Variants in MRPL42 observed in about 807,000 individuals in gnomAD.
MRPL42 encodes the protein mitochondrial ribosomal protein L42.
A neutral mutation model predicts 17.9 loss-of-function variants in MRPL42; 17 were observed. That is an observed-to-expected ratio of 0.95 (90% confidence interval 0.65 to 1.42). The LOEUF (loss-of-function observed/expected upper bound fraction) is 1.42. MRPL42 is among the 40% of genes most tolerant of loss of function. The pLI is 0.00. For synonymous variants in MRPL42, 59 were observed against 54.4 expected (o/e 1.08, Z -0.37); for missense variants, 177 against 175.2 (o/e 1.01, Z -0.06).
intron 3 of MRPL42, among the ~76,000 whole-genome samples, 198 bp downstream of exon 3, chr12:93,477,215 G>A (rs1330984399): frequency 6.6e-6 from 1 of 152,096 alleles, no homozygotes. Context: ...CATTGTCATT[G>A]TGTTTCATTG....
chr12:93,486,532 T>C (rs1880749132), intron 4 of MRPL42, among the ~76,000 whole-genome samples: 1 of 152,068 alleles, frequency 6.6e-6, no homozygotes, highest in African/African-American at 2.4e-5. Context: ...GAGATGGGGT[T>C]TCACCATGTT....
Position 93,506,716 on chromosome 12 carries a change from C to T in MRPL42, c.*5495C>T, listed in dbSNP as rs890180616. ...TCTTGCTATGACCATCCCTTCTTTC[C>T]CCTCTAGTCAAAATTAGTCTCTTCT... On this transcript the variant is annotated 3_prime_UTR_variant, in exon 6 of 6. Transcript: ENST00000549982. 3.9e-5 allele frequency: 6 copies of T among 152,104 alleles called. No homozygotes were observed. The highest frequency in any genetic ancestry group is 8.8e-5 in the Non-Finnish European group (6 of 68,028). 9.4% of individuals were successfully genotyped at this position (152,104 alleles called of 1,614,324 possible).
At position 93,511,597 on chromosome 12, in the gene MRPL42, C is replaced by G. The variant is rs1238849206; in HGVS notation, c.*10376C>G. On this transcript the variant is annotated 3_prime_UTR_variant, in exon 6 of 6. Transcript: ENST00000549982. ...AGAACAAAGAAAGCTAATAAATTAC[C>G]TTTTCTTGCAATTGGTTTGATGTAC... The G allele has an allele frequency of 6.6e-6, 1 of 152,060 alleles. No homozygotes were observed. Among genetic ancestry groups the G allele is most frequent in the Non-Finnish European group, 1.5e-5 (1 of 67,990 alleles). 9.4% of individuals were successfully genotyped at this position (152,060 alleles called of 1,614,324 possible).
chr12:93,495,339 T>C (rs756147828), intron 5 of MRPL42, among the ~76,000 whole-genome samples: 32 of 152,306 alleles, frequency 2.1e-4, no homozygotes, highest in Middle Eastern at 6.8e-3. Flanking sequence ...GACTAAAGAC[T>C]CAGCCTCCTA....
chr12:93,469,763 A>C (rs59630338), intron 2 of MRPL42, among the ~76,000 whole-genome samples: 1,634 of 152,320 alleles, frequency 0.011, 31 homozygotes, highest in African/African-American at 0.037. Flanking sequence ...AACCACATCT[A>C]TATATATCTA....
At chr12:93,484,015 C>T (rs10745654) in intron 4 of MRPL42, among the ~76,000 whole-genome samples, 101,470 of 151,892 alleles carry the variant, frequency 0.67, 34,162 homozygotes, top group Middle Eastern at 0.72. Flanking sequence ...TCTTCTACCT[C>T]CACATTTTGT....
At chr12:93,484,979 CATATATATATAT>C (rs4020795) in intron 4 of MRPL42, among the ~76,000 whole-genome samples, 2,123 of 22,430 alleles carry the variant, frequency 0.095, 227 homozygotes, top group East Asian at 0.3. Context: ...CACACACACA[CATATATATATAT>C]ATATATATAT....
rs1172182404 is a variant in MRPL42, at chr12:93,487,504, C to T, written c.227C>T (p.Pro76Leu). 1 of 1,609,886 alleles carries T rather than the reference C, an allele frequency of 6.2e-7. No individual in the cohort carries two copies. The highest frequency in any genetic ancestry group is 8.5e-7 in the Non-Finnish European group (1 of 1,178,812). Reference sequence around the variant, plus strand: ...TTACTGATTATTTTGTAGCCTATCCCTCGGCCAGATCCTGTGCATAATAAT... The same window carrying T: ...TTACTGATTATTTTGTAGCCTATCCTTCGGCCAGATCCTGTGCATAATAAT... Reference protein sequence around the residue: ...DIPYEHTKPIPRPDPVHNNEE... With the variant: ...DIPYEHTKPILRPDPVHNNEE... The change falls in exon 5 of 6, where the codon CCT becomes CTT. Residue 76 changes from proline to leucine, a missense_variant. Physicochemically the swap from Pro to Leu is moderately conservative, Grantham distance 98. Transcript: ENST00000549982.
At chr12:93,484,700 G>C (rs572142848) in intron 4 of MRPL42, among the ~76,000 whole-genome samples, 17 of 151,600 alleles carry the variant, frequency 1.1e-4, no homozygotes, top group African/African-American at 2.9e-4. Flanking sequence ...GGGTTCAAAC[G>C]ATTCTTCTGC....
rs1434571995 is a variant in MRPL42 at position 93,515,211 on chromosome 12, T to A, written c.*13990T>A. 6.6e-6 allele frequency: 1 copy of A among 152,124 alleles called. No individual in the cohort carries two copies. Among genetic ancestry groups the A allele is most frequent in the African/African-American group, 2.4e-5 (1 of 41,416 alleles). The allele number at this position is 152,124 out of a possible 1,614,324, so 9.4% of individuals were successfully genotyped here. On this transcript the variant is annotated 3_prime_UTR_variant, in exon 6 of 6. Transcript: ENST00000549982. Reference sequence around the variant, plus strand: ...TACAGGGAGACCATGGAGGATGGGCTGGAACGGAAGCACGATGGACTCCTG... The same window carrying A: ...TACAGGGAGACCATGGAGGATGGGCAGGAACGGAAGCACGATGGACTCCTG...
intron 4 of MRPL42, 27 bp from the exon 5 acceptor site, chr12:93,487,470 T>A (rs1953323680): frequency 6.3e-7 from 1 of 1,584,304 alleles, no homozygotes. Context: ...CACATCTTCA[T>A]GATGTTTGTT....
At chr12:93,500,143 A>C (rs1436657035) in intron 5 of MRPL42, among the ~76,000 whole-genome samples, 4 of 152,202 alleles carry the variant, frequency 2.6e-5, no homozygotes, top group Non-Finnish European at 5.9e-5. Flanking sequence ...TCTATACATA[A>C]GTTTTGTTAG....
At chr12:93,482,872 C>T (rs978648856) in intron 4 of MRPL42, among the ~76,000 whole-genome samples, 1 of 149,982 alleles carries the variant, frequency 6.7e-6, no homozygotes, top group African/African-American at 2.5e-5. Context: ...AAGCATGAGC[C>T]ACTGTACCTT....
chr12:93,489,438 G>GA, intron 5 of MRPL42, among the ~76,000 whole-genome samples: 1 of 152,118 alleles, frequency 6.6e-6, no homozygotes, highest in East Asian at 1.9e-4. Context: ...TTTTCCCAAG[G>GA]AAAAATATTG....
At chr12:93,490,502 T>C (rs1220541983) in intron 5 of MRPL42, among the ~76,000 whole-genome samples, 1 of 152,272 alleles carries the variant, frequency 6.6e-6, no homozygotes, top group Non-Finnish European at 1.5e-5. Flanking sequence ...ATCATCTTGC[T>C]GAATTTTAAA....
intron 3 of MRPL42, 43 bp from the exon 4 acceptor site, chr12:93,479,345 T>C: frequency 6.9e-7 from 1 of 1,440,014 alleles, no homozygotes; most frequent in Non-Finnish European, 9.5e-7. Context: ...CATTTTGCCT[T>C]GAATACAGTA....
intron 4 of MRPL42, among the ~76,000 whole-genome samples, chr12:93,482,270 A>G (rs188917390): frequency 6.6e-6 from 1 of 152,108 alleles, no homozygotes; most frequent in Non-Finnish European, 1.5e-5. Context: ...TTCCTTGGCT[A>G]CTGCATTTAA....
At chr12:93,474,287 TTTA>T (rs1483001957) in intron 2 of MRPL42, among the ~76,000 whole-genome samples, 8 of 152,076 alleles carry the variant, frequency 5.3e-5, no homozygotes, top group Middle Eastern at 6.8e-3. Flanking sequence ...ATTTATATTT[TTTA>T]TTATTAATTT....
At chr12:93,485,643 G>C (rs961168224) in intron 4 of MRPL42, among the ~76,000 whole-genome samples, 2 of 152,052 alleles carry the variant, frequency 1.3e-5, no homozygotes, top group Non-Finnish European at 2.9e-5. Context: ...TTTAAAGCAA[G>C]GCAGTGTTAC....
Sources: gnomAD v4.1 joint callset for allele counts (sites outside exome capture counted in the v4.1 genomes callset) on GRCh38, gnomAD v4.1.1 for gene constraint, MANE v1.5 for transcripts, NCBI Gene and HGNC (gene_info 2026-07-23, HGNC 2026-07-21) for gene names.